Variants in SGCD observed in about 807,000 individuals in gnomAD.
SGCD encodes the protein sarcoglycan delta.
A neutral mutation model predicts 36.6 loss-of-function variants in SGCD; 18 were observed. The ratio of observed to expected loss-of-function variants is 0.49; its 90% CI spans 0.34 to 0.73. The LOEUF is 0.73. Among genes scored for constraint, SGCD ranks in the 30% least tolerant of loss-of-function variants. The pLI is 0.01. For synonymous variants in SGCD, 133 were observed against 130.6 expected (o/e 1.02, Z -0.12); for missense variants, 387 against 346.7 (o/e 1.12, Z -0.92).
chr5:156,030,196 A>G (rs535829037), intron 1 of SGCD, among the ~76,000 whole-genome samples: 4 of 152,308 alleles, frequency 2.6e-5, no homozygotes, highest in African/African-American at 9.6e-5. Context: ...TATGCAAATT[A>G]CCATGGTTGA....
At chr5:155,950,349 C>G (rs2113428773) in intron 1 of SGCD, among the ~76,000 whole-genome samples, 1 of 152,282 alleles carries the variant, frequency 6.6e-6, no homozygotes, top group South Asian at 2.1e-4. Context: ...CACAAAAAGA[C>G]TGAGTCTCAC....
At chr5:156,444,096 C>T (rs1443399237) in intron 3 of SGCD, among the ~76,000 whole-genome samples, 17 of 119,474 alleles carry the variant, frequency 1.4e-4, no homozygotes, top group African/African-American at 5.6e-4. Flanking sequence ...CTCTCTCTCT[C>T]TCTCTCTCTC....
At chr5:156,560,343 G>A (rs931583728) in intron 4 of SGCD, among the ~76,000 whole-genome samples, 12 of 152,074 alleles carry the variant, frequency 7.9e-5, no homozygotes, top group African/African-American at 2.7e-4. Flanking sequence ...CCTTACTTTC[G>A]ATGGCATGTA....
At chr5:156,426,577 T>G (rs2127784160) in intron 3 of SGCD, among the ~76,000 whole-genome samples, 1 of 152,240 alleles carries the variant, frequency 6.6e-6, no homozygotes, top group East Asian at 1.9e-4. Context: ...TTAGGTCTCA[T>G]TTATTTATTT....
chr5:156,195,021 A>C (rs568012235), intron 3 of SGCD, among the ~76,000 whole-genome samples: 1 of 152,312 alleles, frequency 6.6e-6, no homozygotes, highest in East Asian at 1.9e-4. Flanking sequence ...ACACAGAAAT[A>C]AATCACAGAA....
At chr5:156,164,806 G>T (rs1763174252) in intron 3 of SGCD, among the ~76,000 whole-genome samples, 2 of 152,148 alleles carry the variant, frequency 1.3e-5, no homozygotes, top group African/African-American at 4.8e-5. Context: ...GGACAAAGCT[G>T]GACAATATGG....
Position 156,625,080 on chromosome 5 carries a change from C to T in SGCD, c.503-22384C>T, listed in dbSNP as rs76306947. 3.5e-3 allele frequency among the ~76,000 whole-genome samples: 530 copies of T among 152,256 alleles called. 2 individuals are homozygous for T. The highest frequency in any genetic ancestry group is 0.012 in the African/African-American group (487 of 41,536). On this transcript the variant is annotated intron_variant, in intron 6 of 8. Transcript: ENST00000337851. ...AGATTAAGAGGATGACTCAGGCTAG[C>T]GATGGCACCTATGCCTCTCAGTAAT...
At chr5:155,957,524 C>G (rs4704748) in intron 1 of SGCD, among the ~76,000 whole-genome samples, 39,126 of 151,978 alleles carry the variant, frequency 0.26, 5,974 homozygotes, top group Admixed American at 0.4. Flanking sequence ...TTCAGAGGCT[C>G]TAGGGGAGAA....
intron 1 of SGCD, among the ~76,000 whole-genome samples, chr5:155,876,872 T>C (rs1223134166): frequency 2.6e-5 from 4 of 152,100 alleles, no homozygotes; most frequent in Admixed American, 6.6e-5. Context: ...TACATGACAA[T>C]CATGTGAAAA....
intron 3 of SGCD, among the ~76,000 whole-genome samples, chr5:156,185,283 C>T (rs1019611528): frequency 6.3e-4 from 93 of 148,388 alleles, no homozygotes; most frequent in East Asian, 1.2e-3. Context: ...GGCACAATCT[C>T]GGCTCACTGT....
intron 3 of SGCD, among the ~76,000 whole-genome samples, chr5:156,366,323 G>T (rs981049095): frequency 5.9e-5 from 9 of 152,166 alleles, no homozygotes; most frequent in Non-Finnish European, 1.3e-4. Context: ...GAGGTCAGGT[G>T]GTGGTGGAAC....
At chr5:156,335,897 C>T (rs998052418) in intron 2 of SGCD, among the ~76,000 whole-genome samples, 1 of 152,198 alleles carries the variant, frequency 6.6e-6, no homozygotes, top group African/African-American at 2.4e-5. Flanking sequence ...TCTCTGAAGA[C>T]GATTGCAGTA....
the SGCD span, among the ~76,000 whole-genome samples, chr5:155,835,071 G>C: frequency 1.5e-5 from 2 of 135,874 alleles, no homozygotes; most frequent in African/African-American, 2.8e-5. Context: ...GCAGTGACGT[G>C]ATCTCGGCTC....
At chr5:156,615,468 G>A (rs1472353528) in intron 6 of SGCD, among the ~76,000 whole-genome samples, 2 of 152,054 alleles carry the variant, frequency 1.3e-5, no homozygotes, top group East Asian at 3.9e-4. Context: ...TTCAAATATG[G>A]TTTGATGCTT....
At chr5:156,580,441 T>C (rs1760204323) in intron 4 of SGCD, among the ~76,000 whole-genome samples, 1 of 152,238 alleles carries the variant, frequency 6.6e-6, no homozygotes. Flanking sequence ...CTGTATTTAC[T>C]GAATTCTAAT....
At chr5:155,932,482 G>A (rs1025276253) in intron 1 of SGCD, among the ~76,000 whole-genome samples, 1 of 152,034 alleles carries the variant, frequency 6.6e-6, no homozygotes, top group Non-Finnish European at 1.5e-5. Flanking sequence ...AGTTAGCTTC[G>A]TATTCTGCAT....
intron 3 of SGCD, among the ~76,000 whole-genome samples, chr5:156,247,293 C>G (rs1202960074): frequency 6.6e-6 from 1 of 152,118 alleles, no homozygotes; most frequent in Non-Finnish European, 1.5e-5. Context: ...TTTTGAAACT[C>G]ATGATGAGAC....
chr5:156,075,134 A>G (rs192112498), intron 1 of SGCD, among the ~76,000 whole-genome samples: 11 of 152,334 alleles, frequency 7.2e-5, no homozygotes, highest in Admixed American at 3.3e-4. Context: ...AGGTATGTAC[A>G]TAATGCTTAC....
chr5:156,722,142 G>A (rs17053833), intron 7 of SGCD, among the ~76,000 whole-genome samples: 15,006 of 152,174 alleles, frequency 0.099, 1,294 homozygotes, highest in African/African-American at 0.24. Context: ...CCATTCTGCT[G>A]ACTAACTCAG....
Sources: gnomAD v4.1 joint callset for allele counts (sites outside exome capture counted in the v4.1 genomes callset) on GRCh38, gnomAD v4.1.1 for gene constraint, MANE v1.5 for transcripts, NCBI Gene and HGNC (gene_info 2026-07-23, HGNC 2026-07-21) for gene names.